Variants in BTG4 observed in about 807,000 individuals in gnomAD.
The protein encoded by BTG4 is BTG anti-proliferation factor 4.
In BTG4, 10 loss-of-function variants were observed where a neutral mutation model predicts 19.3. The observed-to-expected ratio is 0.52, with a 90% CI of 0.32 to 0.88. BTG4 has a LOEUF of 0.88. BTG4 is among the 40% of genes least tolerant of loss of function. The probability of loss-of-function intolerance (pLI) is 0.04; values close to 1 mark genes in which losing one functional copy is unlikely to be tolerated. For missense variants in BTG4, 238 were observed against 281.9 expected, an observed-to-expected ratio of 0.84 and a Z score of 1.11; for synonymous variants, 91 against 95.7, an observed-to-expected ratio of 0.95 and a Z score of 0.29.
intron 5 of BTG4, among the ~76,000 whole-genome samples, chr11:111,483,825 A>T (rs1042875998): frequency 6.6e-6 from 1 of 152,178 alleles, no homozygotes; most frequent in African/African-American, 2.4e-5. Flanking sequence ...TCATTCAAAG[A>T]AATGACAGAA....
At chr11:111,441,011 C>A in the BTG4 span, among the ~76,000 whole-genome samples, 3 of 152,162 alleles carry the variant, frequency 2.0e-5, no homozygotes, top group Non-Finnish European at 4.4e-5. Flanking sequence ...ACCAGCTGCA[C>A]TTTCCCAGGC....
the BTG4 span, among the ~76,000 whole-genome samples, chr11:111,391,514 ACTT>A: frequency 6.6e-5 from 10 of 152,218 alleles, no homozygotes; most frequent in Middle Eastern, 3.4e-3. Context: ...GCTGGCCGGG[ACTT>A]CTTCCTCCTC....
At chr11:111,488,251 C>T (rs1019529842) in intron 5 of BTG4, among the ~76,000 whole-genome samples, 2 of 152,148 alleles carry the variant, frequency 1.3e-5, no homozygotes, top group South Asian at 4.1e-4. Flanking sequence ...GGCATAAGAA[C>T]ATACACATTG....
chr11:111,384,084 C>G, the BTG4 span, among the ~76,000 whole-genome samples: 2 of 151,986 alleles, frequency 1.3e-5, no homozygotes, highest in African/African-American at 4.8e-5. Context: ...TTTCTAGAAA[C>G]CTTGCTGAAC....
chr11:111,392,169 C>CTTTTTTTTTTTTTTTTTTT, the BTG4 span, among the ~76,000 whole-genome samples: 1 of 85,396 alleles, frequency 1.2e-5, no homozygotes, highest in Non-Finnish European at 2.1e-5. Flanking sequence ...CTGTGATTTT[C>CTTTTTTTTTTTTTTTTTTT]TTTTTTTTTT....
At chr11:111,496,682 T>TATTGGGAGC (rs1480790193) in intron 4 of BTG4, 1 of 152,750 alleles carries the variant, frequency 6.5e-6, no homozygotes, top group African/African-American at 2.4e-5. Context: ...TAATTGGAAG[T>TATTGGGAGC]ATTGGGAGCA....
At chr11:111,499,032 A>G (rs574721988) in intron 1 of BTG4, among the ~76,000 whole-genome samples, 2 of 152,294 alleles carry the variant, frequency 1.3e-5, no homozygotes, top group South Asian at 2.1e-4. Context: ...AAAGGAAAAA[A>G]AAAAGTCTTT....
chr11:111,497,068 G>T, intron 4 of BTG4, 143 bp downstream of exon 4: 1 of 744,284 alleles, frequency 1.3e-6, no homozygotes, highest in Non-Finnish European at 2.1e-6. Flanking sequence ...AAAAAGTTTT[G>T]CCAAAATATT....
At chr11:111,405,171 C>T in the BTG4 span, among the ~76,000 whole-genome samples, 1 of 152,104 alleles carries the variant, frequency 6.6e-6, no homozygotes, top group Non-Finnish European at 1.5e-5. Context: ...TTTGGGAGGC[C>T]GAGGCGGGTG....
chr11:111,508,006 T>C (rs185424314), intron 1 of BTG4: 1 of 152,338 alleles, frequency 6.6e-6, no homozygotes, highest in Admixed American at 6.5e-5. Context: ...TCCACCACAA[T>C]ATTCTTCCAT....
At chr11:111,398,271 T>C in the BTG4 span, among the ~76,000 whole-genome samples, 1 of 152,154 alleles carries the variant, frequency 6.6e-6, no homozygotes, top group Admixed American at 6.5e-5. Context: ...CAAGTGTAGT[T>C]TCAGAGGACA....
At chr11:111,493,268 T>G (rs942452093), downstream of BTG4, among the ~76,000 whole-genome samples, 9 of 152,204 alleles carry the variant, frequency 5.9e-5, no homozygotes, top group Non-Finnish European at 5.9e-5. Flanking sequence ...ATTTCCTGAT[T>G]GAAACATTTT....
the BTG4 span, among the ~76,000 whole-genome samples, chr11:111,440,648 T>A: frequency 6.6e-6 from 1 of 152,238 alleles, no homozygotes; most frequent in Non-Finnish European, 1.5e-5. Flanking sequence ...CAGACCTAGA[T>A]CTGCCCTTTT....
At chr11:111,409,840 A>AAC in the BTG4 span, among the ~76,000 whole-genome samples, 1 of 152,236 alleles carries the variant, frequency 6.6e-6, no homozygotes, top group Admixed American at 6.5e-5. Context: ...AATTTCCTGA[A>AAC]ACATTTTATG....
the BTG4 span, among the ~76,000 whole-genome samples, chr11:111,398,940 G>A: frequency 6.6e-6 from 1 of 152,150 alleles, no homozygotes. Context: ...ATATTTTGAC[G>A]TGGAGCTGGT....
the BTG4 span, among the ~76,000 whole-genome samples, chr11:111,447,807 G>A: frequency 9.2e-5 from 14 of 152,154 alleles, no homozygotes; most frequent in African/African-American, 2.4e-4. Flanking sequence ...AGTGCATCCC[G>A]GAGCTCCCAT....
chr11:111,491,815 T>A (rs1026212483), downstream of BTG4, among the ~76,000 whole-genome samples: 2 of 150,972 alleles, frequency 1.3e-5, no homozygotes, highest in African/African-American at 4.9e-5. Flanking sequence ...ATTTTCAAAA[T>A]GTAGATTAGG....
chr11:111,420,612 T>C, the BTG4 span, among the ~76,000 whole-genome samples: 14 of 152,214 alleles, frequency 9.2e-5, no homozygotes, highest in Non-Finnish European at 5.9e-5. Flanking sequence ...CCTGTGGTTC[T>C]CCCCTGTAAT....
At chr11:111,512,920 T>G (rs1224786584), upstream of BTG4, 2 of 444,964 alleles carry the variant, frequency 4.5e-6, no homozygotes, top group African/African-American at 2.1e-5. Flanking sequence ...GTCCGGGAGC[T>G]GCAGCCGCGG....
Sources: allele counts gnomAD v4.1 joint callset (sites outside exome capture counted in the v4.1 genomes callset), GRCh38; gene constraint gnomAD v4.1.1; transcripts MANE v1.5; gene names NCBI Gene and HGNC (gene_info 2026-07-23, HGNC 2026-07-21).